NT5DC4: variants seen among roughly 807,000 people sequenced by gnomAD.
NT5DC4 encodes 5'-nucleotidase domain containing 4.
A neutral mutation model predicts 26.6 loss-of-function variants in NT5DC4; 44 were observed. The observed-to-expected ratio is 1.65, with a 90% CI of 1.30 to 2.13. NT5DC4 has a LOEUF of 2.13. Ranked by LOEUF, NT5DC4 falls within the 30% of genes most tolerant of loss-of-function variation. NT5DC4 has a pLI of 0.00. For synonymous variants in NT5DC4, 157 were observed against 86.7 expected, an observed-to-expected ratio of 1.81 and a Z score of -4.51; for missense variants, 399 against 228.1, an observed-to-expected ratio of 1.75 and a Z score of -4.83.
rs781669240 is a variant in NT5DC4 at position 112,725,434 on chromosome 2, G to A, written c.1035G>A (p.Leu345=). 2.4e-5 allele frequency: 17 copies of A among 716,992 alleles called. No individual in the cohort carries two copies. Among genetic ancestry groups the A allele is most frequent in the East Asian group, 5.4e-5 (2 of 37,290 alleles). The allele number at this position is 716,992 out of a possible 1,614,324, so 44.4% of individuals were successfully genotyped here. A position where few individuals can be genotyped will look rare whatever the true frequency, so the allele number is the denominator to read the frequency against. The change falls in exon 13 of 17, where the codon CTG becomes CTA. Residue 345 remains leucine (L), a synonymous_variant. Transcript: ENST00000688554. ...TTGGGGTTCGGGGGATGGACATCCT[G>A]TACATTGGGGACCACATTTTTGGGG... is the stretch of plus-strand genomic sequence containing the variant. ...ELLGVRGMDI[L]YIGDHIFGDI...
upstream of NT5DC4, among the ~76,000 whole-genome samples, chr2:112,720,731 C>A (rs1676797786): frequency 6.6e-6 from 1 of 152,180 alleles, no homozygotes; most frequent in Admixed American, 6.5e-5. Flanking sequence ...CAGTACGGAG[C>A]CTCCTGACTT....
upstream of NT5DC4, among the ~76,000 whole-genome samples, chr2:112,720,597 T>TA (rs1676787140): frequency 6.6e-6 from 1 of 152,224 alleles, no homozygotes; most frequent in Non-Finnish European, 1.5e-5. Context: ...CCAATTCTTA[T>TA]AGCCCTTGGC....
Position 112,725,164 on chromosome 2 carries a change from G to A in NT5DC4, c.916-10G>A, listed in dbSNP as rs1422669844. 2.8e-6 allele frequency: 2 copies of A among 714,000 alleles called. No individual in the cohort carries two copies. Among genetic ancestry groups the A allele is most frequent in the Non-Finnish European group, 5.2e-6 (2 of 382,558 alleles). 44.2% of individuals were successfully genotyped at this position (714,000 alleles called of 1,614,324 possible). A position where few individuals can be genotyped will look rare whatever the true frequency, so the allele number is the denominator to read the frequency against. On this transcript the variant is annotated splice_polypyrimidine_tract_variant and intron_variant, in intron 11 of 16. Transcript: ENST00000688554. ...TCTCCTGGCTCCAGGGCACCCCTCT[G>A]CCCCTCCAGGACTCAGGAAAGCTCC...
At position 112,722,544 on chromosome 2, in the gene NT5DC4, G is replaced by C. The variant is rs1021036424; in HGVS notation, c.424G>C (p.Asp142His). Residue 142 changes from aspartate to histidine, a missense_variant, in exon 5 of 17, where the codon GAC (aspartate) becomes CAC (histidine). Asp to His is a moderately conservative substitution (Grantham distance 81). Transcript: ENST00000688554. ...FYPSKFIQRD[D>H]LQCFYILNML... is the part of the protein sequence containing the mutation. Reference sequence around the variant, plus strand: ...CCCCAGCAAGTTCATTCAGAGGGACGACCTGCAGTGTTTCTACATACTCAA... The same window carrying C: ...CCCCAGCAAGTTCATTCAGAGGGACCACCTGCAGTGTTTCTACATACTCAA... 3 of 717,296 alleles carry C rather than the reference G, an allele frequency of 4.2e-6. No individual in the cohort carries two copies. Among genetic ancestry groups the C allele is most frequent in the African/African-American group, 1.7e-5 (1 of 57,244 alleles). 44.4% of individuals were successfully genotyped at this position (717,296 alleles called of 1,614,324 possible).
chr2:112,723,361 G>GCACGCA (rs1677199341), intron 7 of NT5DC4, 57 bp from the exon 8 acceptor site: 5 of 636,794 alleles, frequency 7.9e-6, no homozygotes, highest in Non-Finnish European at 1.4e-5. Flanking sequence ...GGGTACACAT[G>GCACGCA]CACACACACA....
intron 16 of NT5DC4, among the ~76,000 whole-genome samples, chr2:112,734,562 C>T: frequency 6.6e-6 from 1 of 152,338 alleles, no homozygotes; most frequent in African/African-American, 2.4e-5. Context: ...ATCCTCCAAT[C>T]AATGCCACTG....
At chr2:112,742,059 G>T (rs887013704), downstream of NT5DC4, among the ~76,000 whole-genome samples, 2 of 151,114 alleles carry the variant, frequency 1.3e-5, no homozygotes. Flanking sequence ...CAAAGTGCCG[G>T]GATTACAGGC....
chr2:112,725,593 C>T (rs896302797), intron 13 of NT5DC4, 41 bp downstream of exon 13: 3 of 655,994 alleles, frequency 4.6e-6, no homozygotes, highest in Non-Finnish European at 8.6e-6. Flanking sequence ...GGGCACTGGC[C>T]TCCCATGCAG....
At chr2:112,742,542 C>T, downstream of NT5DC4, 1 of 709,766 alleles carries the variant, frequency 1.4e-6, no homozygotes, top group South Asian at 1.5e-5. Flanking sequence ...TGTAATAATA[C>T]AAATAAGTCA....
At chr2:112,723,598 T>C in intron 8 of NT5DC4, 121 bp from the exon 9 acceptor site, 3 of 680,118 alleles carry the variant, frequency 4.4e-6, no homozygotes, top group South Asian at 3.3e-5. Context: ...GATCTTTCTA[T>C]GGGGCCTGGT....
upstream of NT5DC4, among the ~76,000 whole-genome samples, chr2:112,720,078 C>T (rs569779797): frequency 6.9e-6 from 1 of 144,756 alleles, no homozygotes; most frequent in Non-Finnish European, 1.5e-5. Flanking sequence ...CAGGATCTCA[C>T]TCTGTTGCCC....
rs59851361 is a variant in NT5DC4, at chr2:112,734,169, A to ATGTGTGTGTGTGTGTGTG, written c.1344+4481_1344+4498dup. Among the ~76,000 whole-genome samples the ATGTGTGTGTGTGTGTGTG allele has an allele frequency of 4.0e-3, 537 of 134,850 alleles. 6 individuals carry two copies. Among genetic ancestry groups the ATGTGTGTGTGTGTGTGTG allele is most frequent in the African/African-American group, 0.014 (506 of 35,322 alleles). 88.5% of individuals were successfully genotyped at this position (134,850 alleles called of 152,430 possible). On this transcript the variant is annotated intron_variant, in intron 16 of 16. Transcript: ENST00000688554. ...AAGTGTTTTCTATGCTATTATATATATGTGTGTGTGTGTGTGTGTGTGTGT... is the reference window on the plus strand; with the variant it reads ...AAGTGTTTTCTATGCTATTATATATATGTGTGTGTGTGTGTGTGTGTGTGTGTGTGTGTGTGTGTGTGT...
At chr2:112,737,678 T>C (rs1679400245) in intron 16 of NT5DC4, 1 of 152,188 alleles carries the variant, frequency 6.6e-6, no homozygotes, top group South Asian at 2.1e-4. Flanking sequence ...CTTTCAGAAA[T>C]AGATCTGCTT....
At chr2:112,722,139 C>T in intron 3 of NT5DC4, 36 bp downstream of exon 3, 1 of 704,164 alleles carries the variant, frequency 1.4e-6, no homozygotes, top group Non-Finnish European at 2.6e-6. Flanking sequence ...GCCACCCGGC[C>T]TTGGTACCCC....
intron 14 of NT5DC4, among the ~76,000 whole-genome samples, 155 bp downstream of exon 14, chr2:112,726,444 GA>G (rs1340488050): frequency 6.6e-6 from 1 of 152,122 alleles, no homozygotes; most frequent in Admixed American, 6.5e-5. Context: ...TGAATGTGGG[GA>G]CCCCTCTCAC....
intron 16 of NT5DC4, chr2:112,737,769 G>A (rs1339974112): frequency 6.6e-6 from 1 of 152,034 alleles, no homozygotes; most frequent in East Asian, 1.9e-4. Context: ...AATGCTCCTT[G>A]TTTCTTAGGA....
At chr2:112,729,846 G>C (rs1390600543) in intron 16 of NT5DC4, 142 bp downstream of exon 16, 9 of 619,118 alleles carry the variant, frequency 1.5e-5, no homozygotes, top group Middle Eastern at 2.8e-4. Context: ...TGCAAGCATA[G>C]TCATTCCTCA....
intron 16 of NT5DC4, among the ~76,000 whole-genome samples, chr2:112,734,167 A>ATGTGTGTGTGTGTGTGTGTGTG (rs1380428965): frequency 1.3e-3 from 7 of 5,258 alleles, no homozygotes; most frequent in African/African-American, 3.0e-3. Context: ...GCTATTATAT[A>ATGTGTGTGTGTGTGTGTGTGTG]TATGTGTGTG....
intron 16 of NT5DC4, among the ~76,000 whole-genome samples, chr2:112,729,966 CGAT>C (rs1678284765): frequency 6.6e-6 from 1 of 151,986 alleles, no homozygotes; most frequent in South Asian, 2.1e-4. Flanking sequence ...ATAATTGTAT[CGAT>C]GAATTTCAAT....
Sources: allele counts gnomAD v4.1 joint callset (sites outside exome capture counted in the v4.1 genomes callset), GRCh38; gene constraint gnomAD v4.1.1; transcripts MANE v1.5; gene names NCBI Gene and HGNC (gene_info 2026-07-23, HGNC 2026-07-21).